ZNF676: variants seen among roughly 807,000 people sequenced by gnomAD.
ZNF676 encodes zinc finger protein 676.
A neutral mutation model predicts 6.0 loss-of-function variants in ZNF676; 4 were observed. The ratio of observed to expected loss-of-function variants is 0.67; its 90% confidence interval spans 0.33 to 1.53. The LOEUF (loss-of-function observed/expected upper bound fraction) is 1.53, where lower values mean the gene tolerates loss of function less well. ZNF676 is among the 40% of genes most tolerant of loss of function. The pLI, the probability that ZNF676 is intolerant of heterozygous loss-of-function variation, is 0.06. For synonymous variants in ZNF676, 198 were observed against 223.1 expected (o/e 0.89, Z 1.00); for missense variants, 644 against 679.7 (o/e 0.95, Z 0.58).
the ZNF676 span, among the ~76,000 whole-genome samples, chr19:22,221,947 T>G: frequency 1.3e-5 from 2 of 152,118 alleles, no homozygotes; most frequent in Non-Finnish European, 2.9e-5. Flanking sequence ...TCATTTGACT[T>G]TCTGTCTTGA....
chr19:22,207,991 A>AAC (rs2024092919), intron 1 of ZNF676, among the ~76,000 whole-genome samples: 1 of 151,418 alleles, frequency 6.6e-6, no homozygotes, highest in African/African-American at 2.4e-5. Flanking sequence ...TATAAAAAAA[A>AAC]AAAAAACAAA....
chr19:22,206,420 C>T (rs1318684081), intron 1 of ZNF676, among the ~76,000 whole-genome samples: 5 of 152,094 alleles, frequency 3.3e-5, no homozygotes, highest in African/African-American at 7.2e-5. Flanking sequence ...TGCCTGTAAT[C>T]GCAGCACTTT....
chr19:22,202,494 T>C (rs2024035846), intron 1 of ZNF676, among the ~76,000 whole-genome samples: 1 of 152,152 alleles, frequency 6.6e-6, no homozygotes, highest in African/African-American at 2.4e-5. Context: ...GCTTAGTTGG[T>C]ACCCTATGTG....
intron 2 of ZNF676, among the ~76,000 whole-genome samples, chr19:22,192,706 C>T (rs1021083802): frequency 3.4e-5 from 5 of 146,366 alleles, no homozygotes; most frequent in African/African-American, 7.8e-5. Flanking sequence ...CTTAAAATTA[C>T]GCGGATATCT....
upstream of ZNF676, among the ~76,000 whole-genome samples, chr19:22,198,841 C>T (rs544090971): frequency 1.2e-3 from 177 of 152,216 alleles, 2 homozygotes; most frequent in Middle Eastern, 6.8e-3. Flanking sequence ...ATATGGGCCA[C>T]GGTGTACTGT....
At chr19:22,211,763 T>C (rs1483649660) in intron 1 of ZNF676, among the ~76,000 whole-genome samples, 1 of 152,208 alleles carries the variant, frequency 6.6e-6, no homozygotes, top group Non-Finnish European at 1.5e-5. Flanking sequence ...CACGAATCTA[T>C]GTAACTCACC....
At chr19:22,251,786 C>CAAAAAA in the ZNF676 span, among the ~76,000 whole-genome samples, 9 of 96,764 alleles carry the variant, frequency 9.3e-5, no homozygotes, top group East Asian at 2.4e-3. Context: ...GACTCCATCT[C>CAAAAAA]AAAAAAAAAA....
rs778184207 is a variant in ZNF676 at position 22,180,725 on chromosome 19, T to C, written c.992A>G (p.His331Arg). ...SSSLTEHKRI[H>R]AGEKPYKCEE... ...ACATTTGTAGGGTTTCTCTCCAGCA[T>C]GAATTCTCTTGTGTTCAGTAAGGCT... Residue 331 changes from histidine to arginine, a missense_variant, in exon 3 of 3, where the codon CAT (histidine) becomes CGT (arginine). By Grantham distance (29) the His-to-Arg change is conservative (BLOSUM62 0). Around this residue, in one of 5 missense-constraint regions of ZNF676, gnomAD observed 29 missense variants for 44.4 expected, o/e 0.65. Coordinates refer to ENST00000397121, the MANE Select transcript of ZNF676 (RefSeq NM_001001411.3). 6.0e-5 allele frequency: 96 copies of C among 1,612,818 alleles called. No homozygotes were observed. The highest frequency in any genetic ancestry group is 7.5e-5 in the Non-Finnish European group (89 of 1,179,298).
In ZNF676 at chr19:22,207,807, T is replaced by A. The variant is rs143864406; in HGVS notation, c.3+7825A>T. Among the ~76,000 whole-genome samples, 189 of 152,170 alleles carry A rather than the reference T, an allele frequency of 1.2e-3. 3 individuals carry two copies. In the East Asian group the frequency reaches 0.035, roughly 28 times the overall value. On this transcript the variant is annotated intron_variant, in intron 1 of 3. Transcript: ENST00000650058. Reference sequence around the variant, plus strand: ...AAATAATGCCACACACCTAAAACCATCTGATCTTCAACAAAGGTGACAACA... The same window carrying A: ...AAATAATGCCACACACCTAAAACCAACTGATCTTCAACAAAGGTGACAACA...
In ZNF676 at chr19:22,179,658, G is replaced by A. The variant is rs2023699159; in HGVS notation, c.*292C>T. 1.6e-6 allele frequency: 1 copy of A among 608,638 alleles called. No homozygotes were observed. 37.7% of individuals were successfully genotyped at this position (608,638 alleles called of 1,614,324 possible). A position where few individuals can be genotyped will look rare whatever the true frequency, so the allele number is the denominator to read the frequency against. On this transcript the variant is annotated 3_prime_UTR_variant, in exon 3 of 3. Coordinates refer to ENST00000397121, the MANE Select transcript of ZNF676 (RefSeq NM_001001411.3). ...TATGAATTCTTTTATGAGTAGTAAG[G>A]TGTGAGGAACAGTTGAAGTCTTTAT...
chr19:22,229,938 G>A, the ZNF676 span, among the ~76,000 whole-genome samples: 10 of 152,240 alleles, frequency 6.6e-5, no homozygotes, highest in South Asian at 1.9e-3. Context: ...AAGACAATGT[G>A]ACAATTCCTC....
At position 22,196,487 on chromosome 19, in the gene ZNF676, T is replaced by C. The variant is rs1458260857; in HGVS notation, c.34+113A>G. On this transcript the variant is annotated intron_variant, in intron 1 of 2. Transcript: ENST00000397121. ...CGACCCCTTCTTCCAAATATACTCT[T>C]TTGTCTTTGTCTGTATTCTCGCATT... 2.5e-6 allele frequency: 4 copies of C among 1,587,236 alleles called. No individual in the cohort carries two copies. In the African/African-American group the frequency reaches 4.1e-5, roughly 16 times the overall value.
At chr19:22,200,056 G>T (rs192685073), upstream of ZNF676, among the ~76,000 whole-genome samples, 618 of 152,232 alleles carry the variant, frequency 4.1e-3, 4 homozygotes, top group African/African-American at 0.014. Context: ...TATGAACAGG[G>T]CTGGGGCAGA....
intron 2 of ZNF676, among the ~76,000 whole-genome samples, chr19:22,183,684 AAG>A (rs1486915037): frequency 2.0e-5 from 3 of 152,202 alleles, no homozygotes; most frequent in Non-Finnish European, 4.4e-5. Context: ...GCCTTTCTAC[AAG>A]AGTCAGTTGA....
the ZNF676 span, among the ~76,000 whole-genome samples, chr19:22,237,975 C>G: frequency 6.6e-6 from 1 of 152,158 alleles, no homozygotes; most frequent in East Asian, 1.9e-4. Context: ...GGAGATGAGA[C>G]TCTCACACAG....
At chr19:22,200,946 G>A (rs1266302888), upstream of ZNF676, among the ~76,000 whole-genome samples, 2 of 151,990 alleles carry the variant, frequency 1.3e-5, no homozygotes, top group Non-Finnish European at 2.9e-5. Flanking sequence ...AAGTACCAGG[G>A]ATCTGTTCTG....
At chr19:22,253,390 ATATATGATAATGTG>A in the ZNF676 span, among the ~76,000 whole-genome samples, 19,490 of 68,910 alleles carry the variant, frequency 0.28, 1,827 homozygotes, top group Non-Finnish European at 0.37. Flanking sequence ...ATATATATAT[ATATATGATAATGTG>A]TATATATATA....
chr19:22,253,922 T>A, the ZNF676 span, among the ~76,000 whole-genome samples: 1 of 152,198 alleles, frequency 6.6e-6, no homozygotes, highest in Non-Finnish European at 1.5e-5. Flanking sequence ...TTTATGACCT[T>A]AATACATAGA....
chr19:22,226,651 C>G, the ZNF676 span, among the ~76,000 whole-genome samples: 1 of 149,880 alleles, frequency 6.7e-6, no homozygotes, highest in Non-Finnish European at 1.5e-5. Context: ...GGCAGGAGTG[C>G]AGTGGCACAA....
Sources: allele counts gnomAD v4.1 joint callset (sites outside exome capture counted in the v4.1 genomes callset), GRCh38; gene constraint gnomAD v4.1.1; regional missense constraint gnomAD v4.1.1; transcripts MANE v1.5; gene names NCBI Gene and HGNC (gene_info 2026-07-23, HGNC 2026-07-21).